The following LIMCH1 variants were observed in gnomAD, a reference collection of about 807,000 sequenced individuals.
LIMCH1 encodes LIM and calponin homology domains-containing protein 1.
In LIMCH1, 113 loss-of-function variants were observed where a neutral mutation model predicts 176.5. That is an observed-to-expected ratio of 0.64 (90% CI 0.55 to 0.75). The LOEUF is 0.75. Among genes scored for constraint, LIMCH1 ranks in the 30% least tolerant of loss-of-function variants. The probability of loss-of-function intolerance (pLI) is 0.00; values close to 1 mark genes in which losing one functional copy is unlikely to be tolerated. For missense variants in LIMCH1, 1,674 were observed against 1,814.9 expected, an observed-to-expected ratio of 0.92 and a Z score of 1.41; for synonymous variants, 619 against 645.9, an observed-to-expected ratio of 0.96 and a Z score of 0.63.
chr4:41,646,087 C>T (rs376361058), intron 15 of LIMCH1, 36 bp from the exon 16 acceptor site: 136 of 1,576,470 alleles, frequency 8.6e-5, no homozygotes, highest in Non-Finnish European at 1.1e-4. Context: ...ATGCACAAGT[C>T]TGAAGAAGAA....
At chr4:41,422,376 C>T (rs781693997) in intron 1 of LIMCH1, among the ~76,000 whole-genome samples, 7 of 151,994 alleles carry the variant, frequency 4.6e-5, no homozygotes, top group Non-Finnish European at 7.4e-5. Flanking sequence ...TTAGTAGTGA[C>T]GAGGTTTCAC....
At chr4:41,678,225 TTTTTC>T (rs1712596987) in intron 23 of LIMCH1, among the ~76,000 whole-genome samples, 2 of 143,806 alleles carry the variant, frequency 1.4e-5, no homozygotes, top group Non-Finnish European at 3.1e-5. Flanking sequence ...TTTTACTTAC[TTTTTC>T]TTTTCTTTTT....
intron 1 of LIMCH1, among the ~76,000 whole-genome samples, chr4:41,457,264 T>C (rs1390174003): frequency 6.6e-6 from 1 of 152,146 alleles, no homozygotes; most frequent in Non-Finnish European, 1.5e-5. Flanking sequence ...CTGCTTGTAA[T>C]AAATTTGATT....
rs1042923780 is a variant in LIMCH1 at position 41,392,246 on chromosome 4, C to A, written c.96+31310C>A. ...GTAGGGATGTAATAAAAGAAATAAGCAAAATGTATTATCTGTAAAATAGTA... is the reference window on the plus strand; with the variant it reads ...GTAGGGATGTAATAAAAGAAATAAGAAAAATGTATTATCTGTAAAATAGTA... On this transcript the variant is annotated intron_variant, in intron 1 of 26. Transcript: ENST00000313860. 2.0e-5 allele frequency among the ~76,000 whole-genome samples: 3 copies of A among 152,072 alleles called. No individual in the cohort carries two copies. The East Asian group carries it at 5.8e-4, about 29-fold the overall frequency.
chr4:41,545,751 G>A (rs1176475044), intron 1 of LIMCH1, among the ~76,000 whole-genome samples: 1 of 152,162 alleles, frequency 6.6e-6, no homozygotes, highest in African/African-American at 2.4e-5. Flanking sequence ...AAAGTCATAG[G>A]TTTAACTTTT....
chr4:41,560,599 T>C (rs1262171626), intron 1 of LIMCH1, among the ~76,000 whole-genome samples: 3 of 152,184 alleles, frequency 2.0e-5, no homozygotes, highest in South Asian at 4.1e-4. Context: ...TAAAAACTCT[T>C]CTGAGGCTGG....
chr4:41,488,872 A>G (rs895596091), intron 1 of LIMCH1, among the ~76,000 whole-genome samples: 1 of 152,098 alleles, frequency 6.6e-6, no homozygotes, highest in African/African-American at 2.4e-5. Flanking sequence ...TTCCTTTTCA[A>G]TTATCTGGAA....
At chr4:41,627,799 A>G (rs1194101066) in intron 8 of LIMCH1, among the ~76,000 whole-genome samples, 2 of 152,208 alleles carry the variant, frequency 1.3e-5, no homozygotes, top group Non-Finnish European at 2.9e-5. Context: ...ATTTTTCCTT[A>G]TATCAAAATC....
In LIMCH1 at chr4:41,699,330, AAAAT is replaced by A; in HGVS notation, c.*2149_*2152del. 6.6e-6 allele frequency: 1 copy of A among 152,314 alleles called. No individual in the cohort carries two copies. Among genetic ancestry groups the A allele is most frequent in the South Asian group, 2.1e-4 (1 of 4,826 alleles). 9.4% of individuals were successfully genotyped at this position (152,314 alleles called of 1,614,324 possible). A position where few individuals can be genotyped will look rare whatever the true frequency, so the allele number is the denominator to read the frequency against. ...TATTGAAGCTAGAATCGAGTCAAGA[AAAAT>A]AAAGCCCCATTCTCCAACTGCAAAA... On this transcript the variant is annotated 3_prime_UTR_variant, in exon 32 of 32. Coordinates refer to ENST00000503057, the MANE Select transcript of LIMCH1 (RefSeq NM_001330672.2).
chr4:41,574,696 C>A (rs1298057229), intron 1 of LIMCH1, among the ~76,000 whole-genome samples: 2 of 152,170 alleles, frequency 1.3e-5, no homozygotes, highest in Non-Finnish European at 2.9e-5. Context: ...TGAATGTAAG[C>A]TATTAAGACT....
rs1732243584 is a variant in LIMCH1, at chr4:41,699,442, T to C, written c.*2257T>C. ...AAATTCTAATTGCCAACTGTTTCTA[T>C]TTATATTTGATTTATATTTCATTTG... is the stretch of plus-strand genomic sequence containing the variant. On this transcript the variant is annotated 3_prime_UTR_variant, in exon 32 of 32. Coordinates refer to ENST00000503057, the MANE Select transcript of LIMCH1 (RefSeq NM_001330672.2). 6.6e-6 allele frequency: 1 copy of C among 152,144 alleles called. No homozygotes were observed. Among genetic ancestry groups the C allele is most frequent in the Non-Finnish European group, 1.5e-5 (1 of 68,026 alleles). The allele number at this position is 152,144 out of a possible 1,614,324, so 9.4% of individuals were successfully genotyped here.
chr4:41,517,631 C>T (rs1027489124), intron 2 of LIMCH1, among the ~76,000 whole-genome samples: 2 of 152,098 alleles, frequency 1.3e-5, no homozygotes, highest in African/African-American at 4.8e-5. Context: ...ATTTGAAACT[C>T]CTCTGTTTCA....
chr4:41,482,313 C>T (rs574057042), intron 1 of LIMCH1, among the ~76,000 whole-genome samples: 2 of 151,984 alleles, frequency 1.3e-5, no homozygotes, highest in Admixed American at 6.5e-5. Context: ...TGCGACTACC[C>T]GGGGAAGGAG....
At chr4:41,613,956 T>C (rs2091769264) in intron 5 of LIMCH1, among the ~76,000 whole-genome samples, 1 of 152,214 alleles carries the variant, frequency 6.6e-6, no homozygotes, top group Non-Finnish European at 1.5e-5. Flanking sequence ...CAAGACACTG[T>C]GCAGACCATT....
chr4:41,614,882 C>G (rs903071339), intron 5 of LIMCH1, among the ~76,000 whole-genome samples: 2 of 152,180 alleles, frequency 1.3e-5, no homozygotes, highest in African/African-American at 4.8e-5. Context: ...AATCTATGCT[C>G]TTAAGCTTAA....
chr4:41,382,132 C>G (rs995516328), intron 1 of LIMCH1, among the ~76,000 whole-genome samples: 3 of 152,174 alleles, frequency 2.0e-5, no homozygotes, highest in African/African-American at 7.2e-5. Flanking sequence ...TTGTTTACCA[C>G]TGAAGTGTGT....
chr4:41,406,020 C>T (rs1189451633), intron 1 of LIMCH1, among the ~76,000 whole-genome samples: 4 of 151,996 alleles, frequency 2.6e-5, no homozygotes, highest in Non-Finnish European at 5.9e-5. Context: ...TTTCACTTTG[C>T]CTATATAAGA....
chr4:41,419,735 C>CG (rs1410720981), intron 1 of LIMCH1, among the ~76,000 whole-genome samples: 2 of 141,878 alleles, frequency 1.4e-5, no homozygotes, highest in African/African-American at 5.5e-5. Context: ...TCCTTTCTTC[C>CG]TCCCCTCCTT....
intron 1 of LIMCH1, among the ~76,000 whole-genome samples, chr4:41,392,334 G>C (rs769366303): frequency 4.1e-4 from 62 of 152,148 alleles, no homozygotes; most frequent in Non-Finnish European, 8.4e-4. Context: ...AAAGTTTAGA[G>C]GTCTAAAGAT....
Sources: gnomAD v4.1 joint callset for allele counts (sites outside exome capture counted in the v4.1 genomes callset) on GRCh38, gnomAD v4.1.1 for gene constraint, MANE v1.5 for transcripts, NCBI Gene and HGNC (gene_info 2026-07-23, HGNC 2026-07-21) for gene names.